The following PALM2AKAP2 variants were observed in gnomAD, a reference collection of about 807,000 sequenced individuals.
PALM2AKAP2 encodes PALM2 and AKAP2 fusion.
In PALM2AKAP2, 37 loss-of-function variants were observed where a neutral mutation model predicts 71.5. That is an observed-to-expected ratio of 0.52 (90% CI 0.40 to 0.68). PALM2AKAP2 has a LOEUF of 0.68. Ranked by LOEUF, PALM2AKAP2 falls within the 30% of genes least tolerant of loss-of-function variation. PALM2AKAP2 has a pLI of 0.00. For missense variants in PALM2AKAP2, 1,224 were observed against 1,191.8 expected (o/e 1.03, Z -0.40); for synonymous variants, 468 against 478.8 (o/e 0.98, Z 0.29).
intron 6 of PALM2AKAP2, among the ~76,000 whole-genome samples, chr9:109,991,547 T>G (rs970798364): frequency 2.6e-5 from 4 of 152,178 alleles, no homozygotes; most frequent in Non-Finnish European, 5.9e-5. Context: ...CCACCACACT[T>G]GGCCACCACG....
At chr9:109,824,024 G>A (rs4350047) in intron 1 of PALM2AKAP2, among the ~76,000 whole-genome samples, 11,774 of 152,014 alleles carry the variant, frequency 0.077, 552 homozygotes, top group South Asian at 0.11. Context: ...CAAGTATCTG[G>A]GACTACAGGC....
chr9:109,913,503 C>T (rs1385676264), intron 3 of PALM2AKAP2, among the ~76,000 whole-genome samples: 2 of 152,118 alleles, frequency 1.3e-5, no homozygotes, highest in African/African-American at 2.4e-5. Context: ...TCCAGCCAAC[C>T]CCATTTACAG....
In PALM2AKAP2 at chr9:109,672,229, G is replaced by A. The variant is rs369509402; in HGVS notation, c.5+31363G>A. On this transcript the variant is annotated intron_variant, in intron 1 of 6. Transcript: ENST00000374531. ...GCTTTTGCCCATTCAGTATGATATT[G>A]GCTGTGGGTTTGTCATAGATGGCTC... Among the ~76,000 whole-genome samples, 23 of 152,264 alleles carry A rather than the reference G, an allele frequency of 1.5e-4. No individual in the cohort carries two copies. In the East Asian group the frequency reaches 2.5e-3, roughly 17 times the overall value.
rs151256985 is a variant in PALM2AKAP2 at position 110,156,992 on chromosome 9, C to T, written c.2748+495C>T. ...GTGTGTTTGGGGCTGTTAACAAGCC[C>T]ATGTGCATAGCTTGAAAGCAAAGAG... is the stretch of plus-strand genomic sequence containing the variant. On this transcript the variant is annotated intron_variant, in intron 3 of 3. Coordinates refer to ENST00000374525, the Ensembl canonical transcript of PALM2AKAP2. Among the ~76,000 whole-genome samples the T allele has an allele frequency of 2.4e-4, 36 of 152,290 alleles. No individual in the cohort carries two copies. The East Asian group carries it at 6.2e-3, about 26-fold the overall frequency.
chr9:109,935,116 G>C (rs1413228024), intron 6 of PALM2AKAP2, among the ~76,000 whole-genome samples: 1 of 152,088 alleles, frequency 6.6e-6, no homozygotes, highest in Non-Finnish European at 1.5e-5. Context: ...TTTACATATT[G>C]TGTTTCCACA....
intron 1 of PALM2AKAP2, among the ~76,000 whole-genome samples, chr9:109,692,560 T>C (rs974228424): frequency 5.3e-5 from 8 of 152,028 alleles, no homozygotes; most frequent in African/African-American, 1.9e-4. Flanking sequence ...TTAGGTATCA[T>C]GTAGCTATAG....
intron 1 of PALM2AKAP2, among the ~76,000 whole-genome samples, chr9:109,854,018 C>CA (rs1392047081): frequency 1.3e-5 from 2 of 152,200 alleles, no homozygotes; most frequent in African/African-American, 4.8e-5. Flanking sequence ...ATGGTGCTGG[C>CA]AGGACACTTG....
chr9:109,935,535 T>C (rs1380303886), intron 6 of PALM2AKAP2, among the ~76,000 whole-genome samples: 1 of 152,232 alleles, frequency 6.6e-6, no homozygotes, highest in African/African-American at 2.4e-5. Flanking sequence ...TTGCCTATTC[T>C]TTCCAGAGAC....
At chr9:109,801,245 G>A (rs964730314) in intron 1 of PALM2AKAP2, among the ~76,000 whole-genome samples, 22 of 152,208 alleles carry the variant, frequency 1.4e-4, no homozygotes, top group Non-Finnish European at 2.4e-4. Context: ...TCAGACAAGA[G>A]AATGGGGAAG....
At position 109,751,137 on chromosome 9, in the gene PALM2AKAP2, A is replaced by G. The variant is rs144543702; in HGVS notation, c.6-29351A>G. ...TTTTGTTTGCTTTCAAATGATTTTC[A>G]TTCAGTATTCCACTCAGAAAATGTC... On this transcript the variant is annotated intron_variant, in intron 1 of 6. Coordinates refer to the PALM2AKAP2 transcript ENST00000374531. 3.2e-3 allele frequency among the ~76,000 whole-genome samples: 493 copies of G among 152,254 alleles called. 8 individuals carry two copies. The highest frequency in any genetic ancestry group is 1.8e-3 in the Non-Finnish European group (121 of 68,006).
At position 110,102,881 on chromosome 9, in the gene PALM2AKAP2, C is replaced by G. The variant is rs544288946; in HGVS notation, c.157-33246C>G. On this transcript the variant is annotated intron_variant, in intron 1 of 3. Transcript: ENST00000374525. ...TCCTAGCCACCGAAGCCAGTGATGC[C>G]ACATCCCAGCCTCTTTCTGCCTCTG... Among the ~76,000 whole-genome samples the G allele has an allele frequency of 2.2e-3, 341 of 152,322 alleles. 2 individuals carry two copies. The highest frequency in any genetic ancestry group is 8.0e-3 in the African/African-American group (332 of 41,570).
intron 3 of PALM2AKAP2, among the ~76,000 whole-genome samples, chr9:109,908,001 T>C (rs541775105): frequency 1.2e-4 from 19 of 152,330 alleles, no homozygotes; most frequent in African/African-American, 1.7e-4. Flanking sequence ...CTGTTTATTC[T>C]TTGGTGTCCT....
intron 1 of PALM2AKAP2, among the ~76,000 whole-genome samples, chr9:109,782,599 A>G (rs1388835739): frequency 6.6e-6 from 1 of 152,140 alleles, no homozygotes; most frequent in Non-Finnish European, 1.5e-5. Context: ...TGAGTAGGTT[A>G]TATGCAAATA....
rs749595663 is a variant in PALM2AKAP2 at position 109,908,372 on chromosome 9, C to T, written c.258-15363C>T. ...ATTTGCTCTTAGGCAGGACACACTGCAGGGTAGCAGTTAATATTCTAGGCT... is the reference window on the plus strand; with the variant it reads ...ATTTGCTCTTAGGCAGGACACACTGTAGGGTAGCAGTTAATATTCTAGGCT... On this transcript the variant is annotated intron_variant, in intron 3 of 9. Coordinates refer to the PALM2AKAP2 transcript ENST00000302798. 2.6e-5 allele frequency among the ~76,000 whole-genome samples: 4 copies of T among 152,212 alleles called. 1 individual carries two copies. The highest frequency in any genetic ancestry group is 5.9e-5 in the Non-Finnish European group (4 of 68,044).
At chr9:109,682,736 G>A (rs1053253543) in intron 1 of PALM2AKAP2, among the ~76,000 whole-genome samples, 54 of 152,280 alleles carry the variant, frequency 3.5e-4, no homozygotes, top group African/African-American at 1.3e-3. Context: ...TTTGTATTTT[G>A]CACCAAGTGG....
chr9:109,786,152 G>A (rs1214400192), intron 1 of PALM2AKAP2, among the ~76,000 whole-genome samples: 1 of 152,244 alleles, frequency 6.6e-6, no homozygotes, highest in Non-Finnish European at 1.5e-5. Context: ...TTGCCTGGGA[G>A]CATTACAGCC....
chr9:109,795,657 A>G (rs1827232388), intron 1 of PALM2AKAP2, among the ~76,000 whole-genome samples: 1 of 152,208 alleles, frequency 6.6e-6, no homozygotes, highest in Non-Finnish European at 1.5e-5. Context: ...GCTGTCTTCC[A>G]TGGGCAAGAG....
chr9:109,649,755 A>C (rs1485968374), intron 1 of PALM2AKAP2, among the ~76,000 whole-genome samples: 1 of 152,188 alleles, frequency 6.6e-6, no homozygotes, highest in African/African-American at 2.4e-5. Flanking sequence ...GGGGATGGAG[A>C]CAGTGATTTG....
intron 1 of PALM2AKAP2, among the ~76,000 whole-genome samples, chr9:109,830,848 G>A (rs1125416): frequency 0.039 from 5,999 of 152,236 alleles, 199 homozygotes; most frequent in East Asian, 0.13. Flanking sequence ...CAGCATTGAC[G>A]AAGTCTACAC....
Sources: allele counts gnomAD v4.1 joint callset (sites outside exome capture counted in the v4.1 genomes callset), GRCh38; gene constraint gnomAD v4.1.1; transcripts MANE v1.5; gene names NCBI Gene and HGNC (gene_info 2026-07-23, HGNC 2026-07-21).